Variants in SHISA6 observed in about 807,000 individuals in gnomAD.
SHISA6 encodes protein shisa-6.
SHISA6 carries 22 observed loss-of-function variants against 47.9 expected under a neutral mutation model. The observed-to-expected ratio is 0.46, with a 90% CI of 0.33 to 0.66. SHISA6 has a LOEUF of 0.66. SHISA6 is among the 30% of genes least tolerant of loss of function. SHISA6 has a pLI of 0.02. For synonymous variants in SHISA6, 388 were observed against 337.8 expected (o/e 1.15, Z -1.63); for missense variants, 680 against 764.6 (o/e 0.89, Z 1.30).
intron 3 of SHISA6, among the ~76,000 whole-genome samples, chr17:11,526,923 ATATATATATATATT>A (rs540349736): frequency 0.01 from 279 of 26,954 alleles, 3 homozygotes; most frequent in African/African-American, 0.044. Flanking sequence ...ATATATATAT[ATATATATATATATT>A]ATAATGATCA....
chr17:11,405,630 T>C (rs1964247), intron 3 of SHISA6, among the ~76,000 whole-genome samples: 79,754 of 151,756 alleles, frequency 0.53, 21,988 homozygotes, highest in African/African-American at 0.66. Context: ...GGTGAAACCC[T>C]GTCTCCACTA....
At chr17:11,522,573 G>T (rs2071640050) in intron 3 of SHISA6, among the ~76,000 whole-genome samples, 1 of 152,174 alleles carries the variant, frequency 6.6e-6, no homozygotes, top group African/African-American at 2.4e-5. Flanking sequence ...GGTGTGCTTT[G>T]ATATTTATTT....
intron 2 of SHISA6, among the ~76,000 whole-genome samples, chr17:11,335,820 A>G (rs923152414): frequency 2.6e-5 from 4 of 152,174 alleles, no homozygotes; most frequent in African/African-American, 9.7e-5. Context: ...CATTTTCCTC[A>G]TTTGTAGAAT....
At chr17:11,410,130 C>T (rs911206410) in intron 3 of SHISA6, among the ~76,000 whole-genome samples, 1 of 152,200 alleles carries the variant, frequency 6.6e-6, no homozygotes, top group African/African-American at 2.4e-5. Context: ...CCCTGAATCT[C>T]AGATTGCTCT....
At chr17:11,444,992 G>C (rs929958119) in intron 3 of SHISA6, among the ~76,000 whole-genome samples, 3 of 152,176 alleles carry the variant, frequency 2.0e-5, no homozygotes, top group Non-Finnish European at 4.4e-5. Context: ...TAGAGGCACT[G>C]AGTGACTGTT....
intron 3 of SHISA6, among the ~76,000 whole-genome samples, chr17:11,493,479 G>A (rs971660622): frequency 1.4e-4 from 22 of 152,226 alleles, no homozygotes; most frequent in South Asian, 1.2e-3. Flanking sequence ...CGCCCACCTC[G>A]ACCTCCCAAA....
chr17:11,471,070 G>A lies in SHISA6; in HGVS notation c.896-80826G>A, dbSNP rs567917625. Among the ~76,000 whole-genome samples, 34 of 152,190 alleles carry A rather than the reference G, an allele frequency of 2.2e-4. No individual in the cohort carries two copies. The South Asian group carries it at 6.4e-3, about 29-fold the overall frequency. On this transcript the variant is annotated intron_variant, in intron 3 of 5. Transcript: ENST00000441885. ...ACTAAAAATACAAAATTACCTGGGC[G>A]TGGTGGCGCATGCCTGTTATCCCAG...
intron 3 of SHISA6, among the ~76,000 whole-genome samples, chr17:11,542,056 G>A (rs561835020): frequency 6.6e-6 from 1 of 152,282 alleles, no homozygotes; most frequent in East Asian, 1.9e-4. Flanking sequence ...CTTCAGGTAA[G>A]AACAGTGAGG....
At chr17:11,421,026 T>C (rs1047622679) in intron 3 of SHISA6, among the ~76,000 whole-genome samples, 1 of 152,212 alleles carries the variant, frequency 6.6e-6, no homozygotes, top group Non-Finnish European at 1.5e-5. Context: ...CTGGCGGGAC[T>C]GAAGCCCATT....
chr17:11,538,587 A>G (rs1048771763), intron 3 of SHISA6, among the ~76,000 whole-genome samples: 3 of 152,162 alleles, frequency 2.0e-5, no homozygotes, highest in Admixed American at 2.0e-4. Flanking sequence ...GCATTGCCCA[A>G]AGTGTGGGCC....
At chr17:11,310,761 T>A (rs1226811903) in intron 2 of SHISA6, among the ~76,000 whole-genome samples, 1 of 151,942 alleles carries the variant, frequency 6.6e-6, no homozygotes, top group East Asian at 1.9e-4. Flanking sequence ...GATCACAAGG[T>A]CAGGAGTTCG....
chr17:11,382,629 A>AGTGACTC (rs1474863673), intron 3 of SHISA6, among the ~76,000 whole-genome samples: 1 of 152,202 alleles, frequency 6.6e-6, no homozygotes, highest in Non-Finnish European at 1.5e-5. Flanking sequence ...TTTCAACTTC[A>AGTGACTC]GTGACTCTCT....
chr17:11,306,722 C>T (rs955000686), intron 2 of SHISA6, among the ~76,000 whole-genome samples: 1 of 152,184 alleles, frequency 6.6e-6, no homozygotes, highest in Non-Finnish European at 1.5e-5. Flanking sequence ...AATAAATTCC[C>T]ACAGATGACT....
chr17:11,506,775 C>G (rs973805966), intron 3 of SHISA6, among the ~76,000 whole-genome samples: 5 of 152,172 alleles, frequency 3.3e-5, no homozygotes, highest in African/African-American at 1.2e-4. Flanking sequence ...GTGACTCAGA[C>G]CCTTCCTTTT....
chr17:11,428,208 A>G (rs1316388176), intron 3 of SHISA6, among the ~76,000 whole-genome samples: 2 of 152,238 alleles, frequency 1.3e-5, no homozygotes, highest in African/African-American at 2.4e-5. Flanking sequence ...CACGCAGTTA[A>G]TTAGTGATGG....
At chr17:11,406,091 A>C (rs1182457435) in intron 3 of SHISA6, among the ~76,000 whole-genome samples, 1 of 152,224 alleles carries the variant, frequency 6.6e-6, no homozygotes, top group Non-Finnish European at 1.5e-5. Flanking sequence ...CTTTGCACAG[A>C]AAATTAATTC....
intron 2 of SHISA6, among the ~76,000 whole-genome samples, chr17:11,314,555 G>C (rs1910442257): frequency 7.0e-6 from 1 of 143,244 alleles, no homozygotes; most frequent in Non-Finnish European, 1.5e-5. Context: ...TTTTTTTTGA[G>C]ATGGAGTCCC....
chr17:11,393,270 TTC>T (rs1251577996), intron 3 of SHISA6, among the ~76,000 whole-genome samples: 1 of 152,178 alleles, frequency 6.6e-6, no homozygotes, highest in Non-Finnish European at 1.5e-5. Context: ...CTTGACATCT[TTC>T]TCTCTCTCAC....
At chr17:11,269,736 C>T (rs757089129) in intron 2 of SHISA6, among the ~76,000 whole-genome samples, 13 of 152,042 alleles carry the variant, frequency 8.6e-5, no homozygotes, top group Non-Finnish European at 1.8e-4. Context: ...GGTTTTGGAG[C>T]CCTATGGAGA....
Sources: gnomAD v4.1 joint callset for allele counts (sites outside exome capture counted in the v4.1 genomes callset) on GRCh38, gnomAD v4.1.1 for gene constraint, MANE v1.5 for transcripts, NCBI Gene and HGNC (gene_info 2026-07-23, HGNC 2026-07-21) for gene names.